Variants in RIC8B observed in about 807,000 individuals in gnomAD.
RIC8B encodes chaperone Ric-8B.
RIC8B carries 16 observed loss-of-function variants against 57.5 expected under a neutral mutation model. The ratio of observed to expected loss-of-function variants is 0.28; its 90% CI spans 0.19 to 0.42. The LOEUF (loss-of-function observed/expected upper bound fraction) is 0.42, where lower values mean the gene tolerates loss of function less well. RIC8B is among the 10% of genes least tolerant of loss of function. The pLI is 1.00. For missense variants in RIC8B, 481 were observed against 677.0 expected, an observed-to-expected ratio of 0.71 and a Z score of 3.21; for synonymous variants, 216 against 250.8, an observed-to-expected ratio of 0.86 and a Z score of 1.31.
At chr12:106,777,369 C>T (rs183524599) in intron 1 of RIC8B, among the ~76,000 whole-genome samples, 8 of 152,006 alleles carry the variant, frequency 5.3e-5, no homozygotes, top group East Asian at 1.9e-4. Flanking sequence ...TTGCCCAGCT[C>T]TATGGTATAT....
chr12:106,849,636 CACT>C (rs1949374963), intron 6 of RIC8B, among the ~76,000 whole-genome samples: 1 of 151,904 alleles, frequency 6.6e-6, no homozygotes, highest in Non-Finnish European at 1.5e-5. Context: ...AGTCTAAAAT[CACT>C]AGCCTGAAAA....
intron 2 of RIC8B, among the ~76,000 whole-genome samples, chr12:106,813,118 T>C (rs900484328): frequency 3.0e-4 from 46 of 152,030 alleles, no homozygotes; most frequent in African/African-American, 1.1e-3. Flanking sequence ...GTATTAGATA[T>C]TATAAATAAT....
intron 8 of RIC8B, among the ~76,000 whole-genome samples, chr12:106,864,929 T>C (rs60594520): frequency 0.059 from 8,995 of 152,232 alleles, 383 homozygotes; most frequent in African/African-American, 0.11. Flanking sequence ...CCTTTTGTTA[T>C]TGGCTAGTGT....
chr12:106,860,854 G>C (rs1949901441), intron 8 of RIC8B, among the ~76,000 whole-genome samples: 1 of 152,080 alleles, frequency 6.6e-6, no homozygotes, highest in Non-Finnish European at 1.5e-5. Context: ...CAGTAAAATA[G>C]GCAACAAGAC....
At chr12:106,871,100 A>G in intron 9 of RIC8B, 158 bp downstream of exon 9, 1 of 565,972 alleles carries the variant, frequency 1.8e-6, no homozygotes, top group Non-Finnish European at 2.9e-6. Flanking sequence ...CTTGGCTACC[A>G]TGGTTTTTCT....
chr12:106,852,872 T>G (rs1186260906), intron 7 of RIC8B, among the ~76,000 whole-genome samples: 1 of 152,278 alleles, frequency 6.6e-6, no homozygotes, highest in Non-Finnish European at 1.5e-5. Context: ...CATAGTGCCT[T>G]GCACATAGTT....
chr12:106,794,619 CAT>C (rs1389462445), intron 2 of RIC8B, among the ~76,000 whole-genome samples: 1 of 152,038 alleles, frequency 6.6e-6, no homozygotes, highest in African/African-American at 2.4e-5. Flanking sequence ...AGTGGGATAA[CAT>C]ATTGGAAGTG....
intron 9 of RIC8B, among the ~76,000 whole-genome samples, chr12:106,875,158 G>GA (rs1207615322): frequency 6.6e-6 from 1 of 152,052 alleles, no homozygotes; most frequent in Non-Finnish European, 1.5e-5. Flanking sequence ...AGCCATGACT[G>GA]GCTTATTTAA....
rs1951212658 is a variant in RIC8B, at chr12:106,887,051, A to C, written c.*1036A>C. On this transcript the variant is annotated 3_prime_UTR_variant, in exon 10 of 10. Transcript: ENST00000392837. ...CAATTAGTTACTGTTAAACTGATAAAGGGTGTTTATTTTTACTTTTAGAAT... is the reference window on the plus strand; with the variant it reads ...CAATTAGTTACTGTTAAACTGATAACGGGTGTTTATTTTTACTTTTAGAAT... 1 of 152,560 alleles carries C rather than the reference A, an allele frequency of 6.6e-6. No individual in the cohort carries two copies. The highest frequency in any genetic ancestry group is 1.5e-5 in the Non-Finnish European group (1 of 68,014). The allele number at this position is 152,560 out of a possible 1,614,324, so 9.5% of individuals were successfully genotyped here.
At chr12:106,817,073 A>G (rs2045606363) in intron 3 of RIC8B, among the ~76,000 whole-genome samples, 1 of 152,192 alleles carries the variant, frequency 6.6e-6, no homozygotes, top group African/African-American at 2.4e-5. Context: ...ACCCAGTTAG[A>G]TAAGAATGTC....
rs771230074 is a variant in RIC8B at position 106,815,197 on chromosome 12, A to G, written c.634A>G (p.Ile212Val). Residue 212 changes from isoleucine to valine, a missense_variant, in exon 3 of 10, where the codon ATA becomes GTA. Physicochemically the swap from Ile to Val is conservative, Grantham distance 29. Around this residue, in one of 3 missense-constraint regions of RIC8B, gnomAD observed 421 missense variants for 560.9 expected, o/e 0.75. Coordinates refer to ENST00000392837, the MANE Select transcript of RIC8B (RefSeq NM_001330145.2). Reference protein sequence around the residue: ...IKWTDEYESAIDHNGPPLSPQ... With the variant: ...IKWTDEYESAVDHNGPPLSPQ... ...GTGGACCGATGAGTATGAATCGGCC[A>G]TAGACCATAATGGACCTCCTCTCTC... is the stretch of plus-strand genomic sequence containing the variant. 8.7e-6 allele frequency: 14 copies of G among 1,614,152 alleles called. No homozygotes were observed. Among genetic ancestry groups the G allele is most frequent in the Non-Finnish European group, 2.5e-6 (3 of 1,180,060 alleles).
intron 9 of RIC8B, among the ~76,000 whole-genome samples, chr12:106,885,686 CTG>C (rs1357189084): frequency 1.3e-5 from 2 of 152,030 alleles, no homozygotes; most frequent in Non-Finnish European, 1.5e-5. Flanking sequence ...TAGGTTTGGC[CTG>C]TGTGAATGAA....
At chr12:106,876,389 A>G (rs1437457264) in intron 9 of RIC8B, among the ~76,000 whole-genome samples, 1 of 152,180 alleles carries the variant, frequency 6.6e-6, no homozygotes, top group Non-Finnish European at 1.5e-5. Context: ...CAATGTGGCT[A>G]CTAGAACATT....
intron 8 of RIC8B, among the ~76,000 whole-genome samples, chr12:106,866,960 A>T (rs1234872868): frequency 6.6e-6 from 1 of 152,198 alleles, no homozygotes; most frequent in Admixed American, 6.5e-5. Flanking sequence ...AGATTATCCT[A>T]TTCACTTATG....
intron 2 of RIC8B, among the ~76,000 whole-genome samples, chr12:106,790,955 G>A (rs1248205087): frequency 1.3e-5 from 2 of 152,154 alleles, no homozygotes; most frequent in South Asian, 2.1e-4. Flanking sequence ...GCTCTTTGAG[G>A]ACAAGAACTC....
At chr12:106,838,471 G>T (rs1053115499) in intron 4 of RIC8B, among the ~76,000 whole-genome samples, 1 of 151,106 alleles carries the variant, frequency 6.6e-6, no homozygotes, top group Middle Eastern at 3.4e-3. Context: ...TTGAGAGGTT[G>T]AGGCTGTAAT....
At chr12:106,838,488 T>C (rs538946448) in intron 4 of RIC8B, among the ~76,000 whole-genome samples, 1 of 148,516 alleles carries the variant, frequency 6.7e-6, no homozygotes, top group Admixed American at 6.8e-5. Context: ...TAATGAGCTG[T>C]GATCACACTA....
In RIC8B at chr12:106,887,579, C is replaced by T. The variant is rs1313378830; in HGVS notation, c.*1564C>T. 6.6e-6 allele frequency: 1 copy of T among 152,142 alleles called. No individual in the cohort carries two copies. Among genetic ancestry groups the T allele is most frequent in the Non-Finnish European group, 1.5e-5 (1 of 68,036 alleles). 9.4% of individuals were successfully genotyped at this position (152,142 alleles called of 1,614,324 possible). On this transcript the variant is annotated 3_prime_UTR_variant, in exon 10 of 10. Coordinates refer to ENST00000392837, the MANE Select transcript of RIC8B (RefSeq NM_001330145.2). ...GATCTTCAAGAATATCACTCTTAGA[C>T]TCTGAACTGAAATTTGCATACGCTT...
intron 2 of RIC8B, among the ~76,000 whole-genome samples, chr12:106,805,076 G>T (rs1195705149): frequency 1.3e-5 from 2 of 152,176 alleles, no homozygotes; most frequent in African/African-American, 4.8e-5. Context: ...GTGAGTTATG[G>T]GGGATCGGGC....
Sources: allele counts gnomAD v4.1 joint callset (sites outside exome capture counted in the v4.1 genomes callset), GRCh38; gene constraint gnomAD v4.1.1; regional missense constraint gnomAD v4.1.1; transcripts MANE v1.5; gene names NCBI Gene and HGNC (gene_info 2026-07-23, HGNC 2026-07-21).